Variants in DNM2 observed in about 807,000 individuals in gnomAD.
The protein encoded by DNM2 is dynamin 2, also known as dynamin-2.
Under a neutral mutation model 99.0 loss-of-function variants are expected in DNM2, and 15 were observed. The ratio of observed to expected loss-of-function variants is 0.15; its 90% confidence interval spans 0.10 to 0.23. The LOEUF (loss-of-function observed/expected upper bound fraction) is 0.23, where lower values mean the gene tolerates loss of function less well. DNM2 is among the 10% of genes least tolerant of loss of function. The pLI, the probability that DNM2 is intolerant of heterozygous loss-of-function variation, is 1.00. For missense variants in DNM2, 742 were observed against 1,189.4 expected, an observed-to-expected ratio of 0.62 and a Z score of 5.53; for synonymous variants, 525 against 481.2, an observed-to-expected ratio of 1.09 and a Z score of -1.19.
At position 10,812,143 on chromosome 19, in the gene DNM2, G is replaced by A. The variant is rs1350923132; in HGVS notation, c.1558-121G>A. On this transcript the variant is annotated intron_variant, in intron 14 of 20. Transcript: ENST00000389253. The surrounding 1 kb of genome is among the most constrained non-coding windows in gnomAD (Gnocchi z 4.0). ...TGGAACTGGGTTTCCTGGGCTTTGG[G>A]GCTGGAGGTGTCTCTATTGCGGTCC... 2.5e-6 allele frequency: 2 copies of A among 796,282 alleles called. No individual in the cohort carries two copies. The highest frequency in any genetic ancestry group is 2.1e-5 in the Admixed American group (1 of 47,744). The allele number at this position is 796,282 out of a possible 1,614,324, so 49.3% of individuals were successfully genotyped here.
intron 1 of DNM2, among the ~76,000 whole-genome samples, chr19:10,721,159 A>ATT (rs1348570265): frequency 6.6e-6 from 1 of 151,270 alleles, no homozygotes; most frequent in Non-Finnish European, 1.5e-5. Flanking sequence ...GGAGTTGCTC[A>ATT]TTATATATAT....
Position 10,795,335 on chromosome 19 carries a change from G to A in DNM2, c.1129-37G>A, listed in dbSNP as rs1381393456. 1 of 1,613,022 alleles carries A rather than the reference G, an allele frequency of 6.2e-7. No homozygotes were observed. The highest frequency in any genetic ancestry group is 1.3e-5 in the African/African-American group (1 of 74,902). On this transcript the variant is annotated intron_variant, in intron 8 of 20. Transcript: ENST00000389253. This position sits in a 1 kb window ranked among gnomAD's most constrained non-coding sequence, Gnocchi z 4.2. Reference sequence around the variant, plus strand: ...CACGCCTGCCACGGGGGCGCCCCGGGTGCCTCCATGCATGTGCTTGGTTTG... The same window carrying A: ...CACGCCTGCCACGGGGGCGCCCCGGATGCCTCCATGCATGTGCTTGGTTTG...
Position 10,786,373 on chromosome 19 carries a change from C to T in DNM2, c.850-191C>T, listed in dbSNP as rs374000441. The T allele has an allele frequency of 7.9e-5, 73 of 924,766 alleles. No individual in the cohort carries two copies. The East Asian group carries it at 1.3e-3, about 16-fold the overall frequency. 57.3% of individuals were successfully genotyped at this position (924,766 alleles called of 1,614,324 possible). ...AGCCTCTTACACTCATGGGCAGCTC[C>T]GTGCCGTCTCCGTTCCCAGACATGA... On this transcript the variant is annotated intron_variant, in intron 6 of 20. Transcript: ENST00000389253.
At chr19:10,776,760 C>T (rs1035392557) in intron 4 of DNM2, among the ~76,000 whole-genome samples, 3 of 152,224 alleles carry the variant, frequency 2.0e-5, no homozygotes, top group African/African-American at 4.8e-5. Context: ...TGGGACTTTG[C>T]CGGCACTTGG....
intron 4 of DNM2, among the ~76,000 whole-genome samples, chr19:10,776,327 C>T (rs573909114): frequency 3.2e-4 from 49 of 152,338 alleles, no homozygotes; most frequent in Non-Finnish European, 5.3e-4. Flanking sequence ...TGTTTCTGAT[C>T]TTTGCATGGT....
intron 7 of DNM2, among the ~76,000 whole-genome samples, chr19:10,792,597 T>G (rs955181876): frequency 2.0e-5 from 3 of 152,054 alleles, no homozygotes; most frequent in African/African-American, 7.2e-5. Flanking sequence ...CAACAAAAAT[T>G]TTCTTTCTTT....
At chr19:10,768,173 G>T (rs182641590) in intron 2 of DNM2, among the ~76,000 whole-genome samples, 51 of 152,218 alleles carry the variant, frequency 3.4e-4, no homozygotes, top group Non-Finnish European at 5.1e-4. Context: ...GCCCCTGCTG[G>T]CCGGGCGCGG....
In DNM2 at chr19:10,783,051, C is replaced by T. The variant is rs761564362; in HGVS notation, c.780C>T (p.Leu260=). ...AALAAERKFF[L]SHPAYRHMAD... is the part of the protein sequence containing the mutation. Reference sequence around the variant, plus strand: ...TGGCAGCTGAGAGGAAGTTCTTCCTCTCCCACCCGGCCTACCGGCACATGG... The same window carrying T: ...TGGCAGCTGAGAGGAAGTTCTTCCTTTCCCACCCGGCCTACCGGCACATGG... The change falls in exon 6 of 21, where the codon CTC becomes CTT. Residue 260 remains leucine (L), a synonymous_variant. Transcript: ENST00000389253. 1 of 1,613,996 alleles carries T rather than the reference C, an allele frequency of 6.2e-7. No homozygotes were observed. Among genetic ancestry groups the T allele is most frequent in the South Asian group, 1.1e-5 (1 of 91,090 alleles).
At position 10,772,979 on chromosome 19, in the gene DNM2, GT is replaced by G. The variant is rs370019989; in HGVS notation, c.385+369del. The stretch of plus-strand genomic sequence containing the variant: ...ACCAGTCTTCTGTAAAATATCCTGG[GT>G]TTTTTTTTTTTTTTTTTGAGACAGA... On this transcript the variant is annotated intron_variant, in intron 3 of 20. Coordinates refer to ENST00000389253, the MANE Select transcript of DNM2 (RefSeq NM_001005361.3). This position sits in a 1 kb window ranked among gnomAD's most constrained non-coding sequence, Gnocchi z 4.9. 0.012 allele frequency among the ~76,000 whole-genome samples: 1,511 copies of G among 123,910 alleles called. 16 individuals are homozygous for G. The highest frequency in any genetic ancestry group is 0.044 in the African/African-American group (1,423 of 32,480). The allele number at this position is 123,910 out of a possible 152,430, so 81.3% of individuals were successfully genotyped here. A position where few individuals can be genotyped will look rare whatever the true frequency, so the allele number is the denominator to read the frequency against.
intron 12 of DNM2, 162 bp downstream of exon 12, chr19:10,802,520 C>G: frequency 2.5e-6 from 2 of 797,896 alleles, no homozygotes; most frequent in South Asian, 2.9e-5. Flanking sequence ...TGGAAGCTCT[C>G]CTGGGCTGAT....
rs958502549 is a variant in DNM2 at position 10,783,211 on chromosome 19, A to G, written c.849+91A>G. On this transcript the variant is annotated intron_variant, in intron 6 of 20. Transcript: ENST00000389253. ...CTCACTGGCACTTGTTTCAGGCTAGAGCAGCACTTGTTTTAGCAAAATGGG... is the reference window on the plus strand; with the variant it reads ...CTCACTGGCACTTGTTTCAGGCTAGGGCAGCACTTGTTTTAGCAAAATGGG... The G allele has an allele frequency of 1.9e-6, 3 of 1,574,570 alleles. No individual in the cohort carries two copies. In the African/African-American group the frequency reaches 4.0e-5, roughly 21 times the overall value.
rs770599060 is a variant in DNM2 at position 10,798,504 on chromosome 19, T to C, written c.1354T>C (p.Leu452=). 8.1e-6 allele frequency: 13 copies of C among 1,613,936 alleles called. No homozygotes were observed. The highest frequency in any genetic ancestry group is 1.7e-5 in the Admixed American group (1 of 59,994). Residue 452 remains leucine, a synonymous_variant, in exon 11 of 21, where the codon TTG becomes CTG. Coordinates refer to ENST00000389253, the MANE Select transcript of DNM2 (RefSeq NM_001005361.3). ...CCCCCAGCTCAGTTCCTACCCCCGG[T>C]TGCGAGAGGAGACAGAGCGAATCGT... is the stretch of plus-strand genomic sequence containing the variant. ...CAEKLSSYPR[L]REETERIVTT...
At chr19:10,766,893 C>T (rs1374155369) in intron 2 of DNM2, among the ~76,000 whole-genome samples, 3 of 152,160 alleles carry the variant, frequency 2.0e-5, no homozygotes, top group East Asian at 1.9e-4. Context: ...ATGCCAGCTG[C>T]GAACCTCTCT....
chr19:10,825,070 A>G lies in DNM2; in HGVS notation c.1907A>G (p.Asp636Gly), dbSNP rs749994173. The change falls in exon 18 of 21, where the codon GAT becomes GGT. Residue 636 changes from aspartate (D) to glycine (G), a missense_variant. Physicochemically the swap from Asp to Gly is moderately conservative, Grantham distance 94 (BLOSUM62 -1). Transcript: ENST00000389253. ...YPEKDQAENE[D>G]GAQENTFSMD... ...TCCCGCTTGCAGGCAGAAAACGAGG[A>G]TGGGGCCCAGGAGAACACCTTCTCC... The G allele has an allele frequency of 9.3e-6, 15 of 1,613,972 alleles. No homozygotes were observed. The highest frequency in any genetic ancestry group is 1.3e-5 in the African/African-American group (1 of 74,912).
Position 10,796,339 on chromosome 19 carries a change from T to G in DNM2, c.1196+900T>G. 7.6e-7 allele frequency: 1 copy of G among 1,320,608 alleles called. No homozygotes were observed. The highest frequency in any genetic ancestry group is 1.1e-6 in the Non-Finnish European group (1 of 936,494). The allele number at this position is 1,320,608 out of a possible 1,614,324, so 81.8% of individuals were successfully genotyped here. ...GCTTTGTGTCCGTGAACTTGGCCTCTCCCCAGAGGCTGGGGCAGGAGCATG... is the reference window on the plus strand; with the variant it reads ...GCTTTGTGTCCGTGAACTTGGCCTCGCCCCAGAGGCTGGGGCAGGAGCATG... On this transcript the variant is annotated intron_variant, in intron 9 of 20. Coordinates refer to ENST00000389253, the MANE Select transcript of DNM2 (RefSeq NM_001005361.3). This position sits in a 1 kb window ranked among gnomAD's most constrained non-coding sequence, Gnocchi z 5.6.
intron 1 of DNM2, among the ~76,000 whole-genome samples, chr19:10,754,633 A>G (rs1222077168): frequency 6.6e-6 from 1 of 151,972 alleles, no homozygotes; most frequent in East Asian, 1.9e-4. Context: ...TCTGTTGCCC[A>G]GGCTGGAGTG....
intron 1 of DNM2, among the ~76,000 whole-genome samples, chr19:10,729,180 A>AAT (rs1568265418): frequency 4.8e-5 from 6 of 125,294 alleles, no homozygotes; most frequent in Non-Finnish European, 7.0e-5. Flanking sequence ...AAAAAAAAAA[A>AAT]AAAAAAAAAA....
chr19:10,768,008 G>A (rs1303492129), intron 2 of DNM2, among the ~76,000 whole-genome samples: 1 of 152,196 alleles, frequency 6.6e-6, no homozygotes, highest in Non-Finnish European at 1.5e-5. Flanking sequence ...GGCAGACCTG[G>A]TCGGTGCCTG....
In DNM2 at chr19:10,817,070, G is replaced by C. The variant is rs1249768029; in HGVS notation, c.1672-2910G>C. ...GAACCTGACCCCCGCCACCACCCAA[G>C]TTAGGATCCCAGCAGGGACCCTTGG... On this transcript the variant is annotated intron_variant, in intron 15 of 20. Coordinates refer to ENST00000389253, the MANE Select transcript of DNM2 (RefSeq NM_001005361.3). The surrounding 1 kb of genome is among the most constrained non-coding windows in gnomAD (Gnocchi z 4.6). Among the ~76,000 whole-genome samples the C allele has an allele frequency of 6.6e-6, 1 of 152,202 alleles. No individual in the cohort carries two copies. The highest frequency in any genetic ancestry group is 2.4e-5 in the African/African-American group (1 of 41,454).
Sources: gnomAD v4.1 joint callset for allele counts (sites outside exome capture counted in the v4.1 genomes callset) on GRCh38, gnomAD v4.1.1 for gene constraint, Gnocchi (gnomAD v3.1) non-coding constraint, MANE v1.5 for transcripts, NCBI Gene and HGNC (gene_info 2026-07-23, HGNC 2026-07-21) for gene names.